The following TMEM26 variants were observed in gnomAD, a reference collection of about 807,000 sequenced individuals.
The protein encoded by TMEM26 is transmembrane protein 26.
In TMEM26, 38 loss-of-function variants were observed where a neutral mutation model predicts 28.8. The ratio of observed to expected loss-of-function variants is 1.32; its 90% CI spans 1.02 to 1.73. TMEM26 has a LOEUF of 1.73. Among genes scored for constraint, TMEM26 ranks in the 40% most tolerant of loss-of-function variants. The pLI is 0.00. For missense variants in TMEM26, 518 were observed against 447.1 expected (o/e 1.16, Z -1.43); for synonymous variants, 227 against 182.9 (o/e 1.24, Z -1.95).
At chr10:61,444,576 A>C (rs907930484) in intron 1 of TMEM26, among the ~76,000 whole-genome samples, 14 of 150,690 alleles carry the variant, frequency 9.3e-5, no homozygotes, top group Non-Finnish European at 1.6e-4. Context: ...TGTAGTGTGG[A>C]CTTCCCTACA....
At chr10:61,435,543 TG>T (rs1411963034) in intron 2 of TMEM26, among the ~76,000 whole-genome samples, 1 of 152,190 alleles carries the variant, frequency 6.6e-6, no homozygotes, top group African/African-American at 2.4e-5. Flanking sequence ...ACCTTCCACA[TG>T]GTGGGTCCCA....
chr10:61,414,039 A>G (rs1264658436), intron 4 of TMEM26: 4 of 986,976 alleles, frequency 4.1e-6, no homozygotes, highest in African/African-American at 1.7e-5. Flanking sequence ...GATAAATCCA[A>G]TAAACAAAGA....
rs1839507061 is a variant in TMEM26 at position 61,407,124 on chromosome 10, G to A, written c.*3198C>T. 1 of 152,036 alleles carries A rather than the reference G, an allele frequency of 6.6e-6. No individual in the cohort carries two copies. The highest frequency in any genetic ancestry group is 1.5e-5 in the Non-Finnish European group (1 of 67,984). 9.4% of individuals were successfully genotyped at this position (152,036 alleles called of 1,614,324 possible). On this transcript the variant is annotated 3_prime_UTR_variant, in exon 6 of 6. Transcript: ENST00000399298. ...TTGCAATTCTTTCTCTCCTGTAACA[G>A]GAAAAGTTGGTTAAGAATTATCAAG...
intron 2 of TMEM26, among the ~76,000 whole-genome samples, chr10:61,435,507 T>C (rs1297643326): frequency 6.6e-6 from 1 of 152,186 alleles, no homozygotes; most frequent in African/African-American, 2.4e-5. Flanking sequence ...TCTATGACAA[T>C]GTGATCTTCT....
At chr10:61,451,351 T>C (rs1840276697) in intron 1 of TMEM26, among the ~76,000 whole-genome samples, 1 of 152,216 alleles carries the variant, frequency 6.6e-6, no homozygotes. Context: ...GCAGCCCCTC[T>C]TCTGAGGCTG....
chr10:61,448,832 G>T (rs533817301), intron 1 of TMEM26, among the ~76,000 whole-genome samples: 1 of 152,236 alleles, frequency 6.6e-6, no homozygotes, highest in South Asian at 2.1e-4. Context: ...AAAACTCAGT[G>T]CTTAAAATTG....
chr10:61,410,319 T>C lies in TMEM26; in HGVS notation c.*3A>G. ...CTAGCCGCAGACCACTGTCAATCAA[T>C]AACTAAGGGGTGTGGTGGGAGTCGT... On this transcript the variant is annotated 3_prime_UTR_variant, in exon 6 of 6. Transcript: ENST00000399298. The C allele has an allele frequency of 1.9e-6, 3 of 1,603,470 alleles. No homozygotes were observed. Among genetic ancestry groups the C allele is most frequent in the Non-Finnish European group, 2.6e-6 (3 of 1,173,320 alleles).
At chr10:61,432,048 A>T (rs927474295) in intron 2 of TMEM26, among the ~76,000 whole-genome samples, 5 of 152,218 alleles carry the variant, frequency 3.3e-5, no homozygotes, top group South Asian at 2.1e-4. Flanking sequence ...ATGTTACTGC[A>T]AAGGACATGA....
At chr10:61,444,327 C>T (rs1163170053) in intron 1 of TMEM26, among the ~76,000 whole-genome samples, 1 of 152,086 alleles carries the variant, frequency 6.6e-6, no homozygotes. Flanking sequence ...ACTACAGGAA[C>T]TTTAATGCTC....
At chr10:61,434,276 G>A (rs77189712) in intron 2 of TMEM26, among the ~76,000 whole-genome samples, 3,834 of 152,196 alleles carry the variant, frequency 0.025, 85 homozygotes, top group Non-Finnish European at 0.036. Flanking sequence ...AGTTTCTTTT[G>A]TAGTTTGAAA....
chr10:61,443,041 C>T (rs1376661200), intron 1 of TMEM26, among the ~76,000 whole-genome samples: 1 of 152,146 alleles, frequency 6.6e-6, no homozygotes, highest in African/African-American at 2.4e-5. Context: ...TACCTCCCTT[C>T]CCAAAGCCCT....
At position 61,407,032 on chromosome 10, in the gene TMEM26, G is replaced by A. The variant is rs899551407; in HGVS notation, c.*3290C>T. 6.6e-6 allele frequency: 1 copy of A among 151,822 alleles called. No individual in the cohort carries two copies. Among genetic ancestry groups the A allele is most frequent in the Non-Finnish European group, 1.5e-5 (1 of 67,958 alleles). The allele number at this position is 151,822 out of a possible 1,614,324, so 9.4% of individuals were successfully genotyped here. A position where few individuals can be genotyped will look rare whatever the true frequency, so the allele number is the denominator to read the frequency against. On this transcript the variant is annotated 3_prime_UTR_variant, in exon 6 of 6. Coordinates refer to ENST00000399298, the MANE Select transcript of TMEM26 (RefSeq NM_178505.8). ...TGTTTGGTGTTTCATTTGCGTCTCTGTAGTATACGTCACCATCCCTCTTTC... is the reference window on the plus strand; with the variant it reads ...TGTTTGGTGTTTCATTTGCGTCTCTATAGTATACGTCACCATCCCTCTTTC...
At chr10:61,451,303 G>T (rs1840275335) in intron 1 of TMEM26, among the ~76,000 whole-genome samples, 1 of 152,176 alleles carries the variant, frequency 6.6e-6, no homozygotes, top group South Asian at 2.1e-4. Context: ...TTGACTTAAT[G>T]CGAGTTAAGG....
chr10:61,409,442 C>A lies in TMEM26; in HGVS notation c.*880G>T, dbSNP rs1306546984. The A allele has an allele frequency of 1.4e-4, 22 of 152,220 alleles. No individual in the cohort carries two copies. Among genetic ancestry groups the A allele is most frequent in the Admixed American group, 1.4e-3 (21 of 15,280 alleles). The allele number at this position is 152,220 out of a possible 1,614,324, so 9.4% of individuals were successfully genotyped here. ...TGGCAGACACCAGAAACCATGGAAACACTTACAGGGCCCGAAACACCTTTA... is the reference window on the plus strand; with the variant it reads ...TGGCAGACACCAGAAACCATGGAAAAACTTACAGGGCCCGAAACACCTTTA... On this transcript the variant is annotated 3_prime_UTR_variant, in exon 6 of 6. Coordinates refer to ENST00000399298, the MANE Select transcript of TMEM26 (RefSeq NM_178505.8).
chr10:61,427,757 G>A (rs1839855702), intron 4 of TMEM26, among the ~76,000 whole-genome samples: 1 of 152,100 alleles, frequency 6.6e-6, no homozygotes, highest in African/African-American at 2.4e-5. Context: ...TATAGGTGGA[G>A]TTAATTATCT....
rs201641949 is a variant in TMEM26 at position 61,436,211 on chromosome 10, C to A, written c.229G>T (p.Val77Phe). 14 of 1,606,096 alleles carry A rather than the reference C, an allele frequency of 8.7e-6. No homozygotes were observed. The Admixed American group carries it at 1.9e-4, about 21-fold the overall frequency. ...AATTCAAGAAGCCATAATGATGGAA[C>A]GATGCTAATCAGATATAAAAATATG... ...PAIFLYLISIVPSLWLLELHH... is the reference protein window; with the variant it reads ...PAIFLYLISIFPSLWLLELHH... The change falls in exon 2 of 6, where the codon GTT becomes TTT. Residue 77 changes from valine (V) to phenylalanine (F), a missense_variant. By Grantham distance (50) the Val-to-Phe change is conservative. Coordinates refer to ENST00000399298, the MANE Select transcript of TMEM26 (RefSeq NM_178505.8).
chr10:61,450,809 G>A (rs749011554), intron 1 of TMEM26, among the ~76,000 whole-genome samples: 1 of 152,002 alleles, frequency 6.6e-6, no homozygotes, highest in African/African-American at 2.4e-5. Context: ...TGGTTTATTG[G>A]CTAGTCACTC....
chr10:61,420,665 T>G (rs1009390207), intron 4 of TMEM26, among the ~76,000 whole-genome samples: 1 of 151,822 alleles, frequency 6.6e-6, no homozygotes. Flanking sequence ...AACCAATAAT[T>G]CTTTATATAG....
chr10:61,440,239 C>CA (rs1274556089), intron 1 of TMEM26, among the ~76,000 whole-genome samples: 3 of 150,304 alleles, frequency 2.0e-5, no homozygotes, highest in East Asian at 1.9e-4. Flanking sequence ...GACTCTGACT[C>CA]AAAAAAAAGC....
Sources: allele counts gnomAD v4.1 joint callset (sites outside exome capture counted in the v4.1 genomes callset), GRCh38; gene constraint gnomAD v4.1.1; transcripts MANE v1.5; gene names NCBI Gene and HGNC (gene_info 2026-07-23, HGNC 2026-07-21).